Variants in IFNLR1 observed in about 807,000 individuals in gnomAD.
The protein encoded by IFNLR1 is CRF2-12.
Under a neutral mutation model 52.5 loss-of-function variants are expected in IFNLR1, and 28 were observed. The observed-to-expected ratio is 0.53, with a 90% CI of 0.40 to 0.73. The LOEUF is 0.73. IFNLR1 is among the 30% of genes least tolerant of loss of function. IFNLR1 has a pLI of 0.00. For synonymous variants in IFNLR1, 276 were observed against 274.9 expected, an observed-to-expected ratio of 1.00 and a Z score of -0.04; for missense variants, 623 against 659.1, an observed-to-expected ratio of 0.95 and a Z score of 0.60.
chr1:24,164,686 C>A (rs900044523), intron 3 of IFNLR1, among the ~76,000 whole-genome samples: 1 of 151,674 alleles, frequency 6.6e-6, no homozygotes, highest in African/African-American at 2.4e-5. Context: ...GTACTTTGAT[C>A]TTTTATCTTC....
chr1:24,162,899 C>CCTTT lies in IFNLR1; in HGVS notation c.368-1216_368-1215insAAAG, dbSNP rs1491387220. Among the ~76,000 whole-genome samples the CCTTT allele has an allele frequency of 2.2e-3, 191 of 86,322 alleles. 5 individuals are homozygous for CCTTT. Among genetic ancestry groups the CCTTT allele is most frequent in the African/African-American group, 9.2e-3 (178 of 19,408 alleles). 56.6% of individuals were successfully genotyped at this position (86,322 alleles called of 152,430 possible). ...TCTTTCCTTCCTTCCTTCCTTCCTT[C>CCTTT]CTTCCTTCCTTCCTTCCTTTTCTTT... On this transcript the variant is annotated intron_variant, in intron 3 of 6. Coordinates refer to ENST00000327535, the MANE Select transcript of IFNLR1 (RefSeq NM_170743.4).
At chr1:24,180,994 G>A in intron 1 of IFNLR1, 140 bp from the exon 2 acceptor site, 2 of 840,140 alleles carry the variant, frequency 2.4e-6, no homozygotes, top group Non-Finnish European at 3.6e-6. Context: ...TGGCTGTACT[G>A]CAGCCCTTGT....
At chr1:24,179,929 T>C (rs1463738880) in intron 2 of IFNLR1, among the ~76,000 whole-genome samples, 3 of 152,212 alleles carry the variant, frequency 2.0e-5, no homozygotes, top group African/African-American at 7.2e-5. Flanking sequence ...GTGGATCTGC[T>C]TCCATTGTCA....
In IFNLR1 at chr1:24,172,812, A is replaced by T. The variant is rs185667026; in HGVS notation, c.183-3211T>A. 6.6e-5 allele frequency among the ~76,000 whole-genome samples: 10 copies of T among 152,292 alleles called. No individual in the cohort carries two copies. In the East Asian group the frequency reaches 1.9e-3, roughly 29 times the overall value. ...GAGGCTGGAAGTCCAAGATCAAGGC[A>T]TCAGCAGGTTTGGTTTCTACTGAGG... On this transcript the variant is annotated intron_variant, in intron 2 of 6. Coordinates refer to ENST00000327535, the MANE Select transcript of IFNLR1 (RefSeq NM_170743.4).
Position 24,180,723 on chromosome 1 carries a change from C to T in IFNLR1, c.182+8G>A, listed in dbSNP as rs12751091. 0.031 allele frequency: 50,042 copies of T among 1,600,682 alleles called. 1,261 individuals carry two copies. The highest frequency in any genetic ancestry group is 0.11 in the African/African-American group (7,885 of 74,144). ...TTCCCATCCACCAGCCGAGAGAGTCCCCTCTACCTCTGATAGGCCACAAAA... is the reference window on the plus strand; with the variant it reads ...TTCCCATCCACCAGCCGAGAGAGTCTCCTCTACCTCTGATAGGCCACAAAA... On this transcript the variant is annotated splice_region_variant and intron_variant, in intron 2 of 6. Coordinates refer to ENST00000327535, the MANE Select transcript of IFNLR1 (RefSeq NM_170743.4).
At chr1:24,163,122 G>A (rs1233092342) in intron 3 of IFNLR1, among the ~76,000 whole-genome samples, 12 of 151,070 alleles carry the variant, frequency 7.9e-5, no homozygotes, top group Admixed American at 2.6e-4. Flanking sequence ...CACCACTCCC[G>A]GACACTTTTT....
At chr1:24,182,158 C>G (rs1644696733) in intron 1 of IFNLR1, among the ~76,000 whole-genome samples, 1 of 150,904 alleles carries the variant, frequency 6.6e-6, no homozygotes. Flanking sequence ...TGAGATTGTG[C>G]CACTGCATTC....
Position 24,159,085 on chromosome 1 carries a change from G to C in IFNLR1, c.768C>G (p.Pro256=). Residue 256 remains proline (P), a synonymous_variant, in exon 6 of 7, where the codon CCC becomes CCG. Transcript: ENST00000327535. ...GTGGCATCTTTGCCCGCTGAAACCA[G>C]GGGTTCCCCATGAGGGTCTTCCAGA... The part of the protein sequence containing the change: ...GVIWKTLMGN[P]WFQRAKMPRA... The C allele has an allele frequency of 4.3e-6, 7 of 1,614,118 alleles. No individual in the cohort carries two copies. The highest frequency in any genetic ancestry group is 5.9e-6 in the Non-Finnish European group (7 of 1,180,016).
chr1:24,156,942 G>T lies in IFNLR1; in HGVS notation c.*188C>A. 3.1e-6 allele frequency: 2 copies of T among 637,212 alleles called. No homozygotes were observed. The highest frequency in any genetic ancestry group is 5.4e-6 in the Non-Finnish European group (2 of 370,748). The allele number at this position is 637,212 out of a possible 1,614,324, so 39.5% of individuals were successfully genotyped here. A position where few individuals can be genotyped will look rare whatever the true frequency, so the allele number is the denominator to read the frequency against. On this transcript the variant is annotated 3_prime_UTR_variant, in exon 7 of 7. Transcript: ENST00000327535. The stretch of plus-strand genomic sequence containing the variant: ...TTATAGCTCAGCCTAAAGAGGGCGG[G>T]TCACAGGAGGGAGGGGCATCTTGTT...
intron 2 of IFNLR1, among the ~76,000 whole-genome samples, chr1:24,173,163 G>A (rs1569674684): frequency 1.5e-5 from 2 of 137,022 alleles, no homozygotes; most frequent in South Asian, 2.3e-4. Flanking sequence ...AAAGCCTAAC[G>A]AAAATGAAAA....
At chr1:24,178,581 TGATGA>T (rs1432143680) in intron 2 of IFNLR1, among the ~76,000 whole-genome samples, 1 of 152,080 alleles carries the variant, frequency 6.6e-6, no homozygotes, top group African/African-American at 2.4e-5. Context: ...GGAGCAAACT[TGATGA>T]GACTCCCACT....
intron 2 of IFNLR1, 41 bp downstream of exon 2, chr1:24,180,690 C>CCCCCCG: frequency 2.1e-6 from 3 of 1,421,164 alleles, no homozygotes; most frequent in Non-Finnish European, 2.9e-6. Context: ...CCACCCACCC[C>CCCCCCG]CTCAGTCTTC....
At chr1:24,162,883 CCT>C (rs1644475537) in intron 3 of IFNLR1, among the ~76,000 whole-genome samples, 6 of 59,204 alleles carry the variant, frequency 1.0e-4, no homozygotes, top group South Asian at 7.7e-4. Context: ...TTCTTTCCTT[CCT>C]TCCTTCCTTC....
In IFNLR1 at chr1:24,156,885, T is replaced by A; in HGVS notation, c.*245A>T. ...TGGGGGTGATGACACCCCACCAACC[T>A]CTGACCTCAGCCCACCCTGTGTCCA... On this transcript the variant is annotated 3_prime_UTR_variant, in exon 7 of 7. Coordinates refer to ENST00000327535, the MANE Select transcript of IFNLR1 (RefSeq NM_170743.4). The A allele has an allele frequency of 3.6e-6, 2 of 550,046 alleles. No individual in the cohort carries two copies. The highest frequency in any genetic ancestry group is 6.4e-6 in the Non-Finnish European group (2 of 312,096). The allele number at this position is 550,046 out of a possible 1,614,324, so 34.1% of individuals were successfully genotyped here. A position where few individuals can be genotyped will look rare whatever the true frequency, so the allele number is the denominator to read the frequency against.
intron 6 of IFNLR1, among the ~76,000 whole-genome samples, chr1:24,158,518 C>T (rs541721929): frequency 3.0e-4 from 45 of 152,290 alleles, no homozygotes; most frequent in African/African-American, 7.9e-4. Flanking sequence ...ATCGGAGCCT[C>T]GCATATGCCC....
intron 2 of IFNLR1, among the ~76,000 whole-genome samples, chr1:24,172,289 A>ATT (rs1644589159): frequency 6.6e-6 from 1 of 152,216 alleles, no homozygotes; most frequent in Non-Finnish European, 1.5e-5. Flanking sequence ...GAAATTAATA[A>ATT]GCTAAGCAAT....
intron 2 of IFNLR1, among the ~76,000 whole-genome samples, chr1:24,173,688 AC>A (rs1284655493): frequency 7.0e-6 from 1 of 142,798 alleles, no homozygotes; most frequent in Non-Finnish European, 1.5e-5. Context: ...TCACTCTGTC[AC>A]CCAGGCTGGG....
chr1:24,176,596 TAG>T (rs1644635400), intron 2 of IFNLR1, among the ~76,000 whole-genome samples: 1 of 152,236 alleles, frequency 6.6e-6, no homozygotes, highest in Non-Finnish European at 1.5e-5. Flanking sequence ...AAAAGCAGAC[TAG>T]AGTTTCAGGA....
intron 2 of IFNLR1, among the ~76,000 whole-genome samples, chr1:24,171,673 T>C (rs958736548): frequency 2.6e-5 from 4 of 151,846 alleles, no homozygotes; most frequent in African/African-American, 9.7e-5. Flanking sequence ...CTTTTTTTTT[T>C]TGAGACAGAG....
Sources: gnomAD v4.1 joint callset for allele counts (sites outside exome capture counted in the v4.1 genomes callset) on GRCh38, gnomAD v4.1.1 for gene constraint, MANE v1.5 for transcripts, NCBI Gene and HGNC (gene_info 2026-07-23, HGNC 2026-07-21) for gene names.